HHAT: variants seen among roughly 807,000 people sequenced by gnomAD.
The protein encoded by HHAT is hedgehog acyltransferase.
A neutral mutation model predicts 70.8 loss-of-function variants in HHAT; 47 were observed. That is an observed-to-expected ratio of 0.66 (90% confidence interval 0.53 to 0.85). HHAT has a LOEUF of 0.85. Among genes scored for constraint, HHAT ranks in the 40% least tolerant of loss-of-function variants. HHAT has a pLI of 0.00. For synonymous variants in HHAT, 228 were observed against 247.6 expected (o/e 0.92, Z 0.74); for missense variants, 609 against 604.8 (o/e 1.01, Z -0.07).
chr1:210,395,778 T>C (rs896489235), intron 4 of HHAT, among the ~76,000 whole-genome samples: 2 of 152,200 alleles, frequency 1.3e-5, no homozygotes, highest in African/African-American at 4.8e-5. Flanking sequence ...TTTACTGCTA[T>C]TTTCTTGTTT....
chr1:210,500,460 G>A (rs200210185), intron 8 of HHAT, among the ~76,000 whole-genome samples: 1 of 152,150 alleles, frequency 6.6e-6, no homozygotes, highest in East Asian at 1.9e-4. Flanking sequence ...ACCCTTAGAA[G>A]CCTAACCTAA....
At chr1:210,380,020 G>C (rs925693137) in intron 3 of HHAT, among the ~76,000 whole-genome samples, 2 of 152,140 alleles carry the variant, frequency 1.3e-5, no homozygotes, top group Non-Finnish European at 2.9e-5. Flanking sequence ...GCAGATACCG[G>C]ATGCTCCACT....
chr1:210,497,832 C>G (rs2094679515), intron 8 of HHAT, among the ~76,000 whole-genome samples: 1 of 150,714 alleles, frequency 6.6e-6, no homozygotes, highest in African/African-American at 2.4e-5. Context: ...GTGGCGCAAT[C>G]TTGACTCACT....
chr1:210,589,588 T>C (rs941686167), intron 10 of HHAT: 2 of 152,262 alleles, frequency 1.3e-5, no homozygotes, highest in African/African-American at 2.4e-5. Context: ...CACATTTCTG[T>C]GCTCTTTCAT....
chr1:210,360,805 A>C (rs575741664), intron 2 of HHAT, among the ~76,000 whole-genome samples: 1 of 151,942 alleles, frequency 6.6e-6, no homozygotes, highest in African/African-American at 2.4e-5. Flanking sequence ...TTTTATATTG[A>C]AATACAATTT....
intron 3 of HHAT, among the ~76,000 whole-genome samples, chr1:210,374,926 T>G (rs2090060781): frequency 6.6e-6 from 1 of 152,122 alleles, no homozygotes; most frequent in Admixed American, 6.5e-5. Flanking sequence ...TTTCAGGCCT[T>G]ACCAGTCCTC....
At chr1:210,426,873 C>T (rs544680089) in intron 7 of HHAT, among the ~76,000 whole-genome samples, 19 of 152,168 alleles carry the variant, frequency 1.2e-4, no homozygotes, top group Admixed American at 5.2e-4. Context: ...AGGTAGGAAT[C>T]TCTCCTTCTC....
chr1:210,428,582 GGCCAGTT>G (rs60143375), intron 7 of HHAT, among the ~76,000 whole-genome samples: 66,375 of 150,922 alleles, frequency 0.44, 14,988 homozygotes, highest in Admixed American at 0.53. Context: ...GAAGGGACCA[GGCCAGTT>G]GTCTTACAGA....
intron 9 of HHAT, among the ~76,000 whole-genome samples, chr1:210,529,338 A>T (rs933580401): frequency 2.0e-5 from 3 of 151,922 alleles, no homozygotes; most frequent in Admixed American, 6.6e-5. Flanking sequence ...AAAAAAGAAA[A>T]CGGGGATATT....
chr1:210,649,166 A>T (rs760610441), intron 11 of HHAT, among the ~76,000 whole-genome samples: 8 of 152,228 alleles, frequency 5.3e-5, no homozygotes, highest in Non-Finnish European at 1.2e-4. Context: ...TAAGTAATAG[A>T]GGGGAATTAT....
chr1:210,477,235 G>A (rs1229491210), intron 8 of HHAT, among the ~76,000 whole-genome samples: 1 of 152,086 alleles, frequency 6.6e-6, no homozygotes, highest in Non-Finnish European at 1.5e-5. Flanking sequence ...CCATATAAAG[G>A]CAACTGATCT....
chr1:210,511,207 A>G (rs2094946818), intron 8 of HHAT, among the ~76,000 whole-genome samples: 1 of 152,208 alleles, frequency 6.6e-6, no homozygotes, highest in South Asian at 2.1e-4. Flanking sequence ...GAAACACATC[A>G]GCTCTCCCTA....
At chr1:210,584,838 G>A (rs1034780950) in intron 9 of HHAT, among the ~76,000 whole-genome samples, 1 of 152,178 alleles carries the variant, frequency 6.6e-6, no homozygotes, top group African/African-American at 2.4e-5. Flanking sequence ...TTCACAAGCA[G>A]GTTTGCCCAT....
chr1:210,531,224 C>T (rs1223806557), intron 9 of HHAT, among the ~76,000 whole-genome samples: 1 of 152,202 alleles, frequency 6.6e-6, no homozygotes. Flanking sequence ...TATGAGACCA[C>T]TATCATATAT....
intron 3 of HHAT, among the ~76,000 whole-genome samples, chr1:210,365,187 C>G (rs1225265337): frequency 6.6e-6 from 1 of 151,696 alleles, no homozygotes; most frequent in Non-Finnish European, 1.5e-5. Flanking sequence ...AAATTCTAAT[C>G]AAAAGAAGAT....
chr1:210,547,910 A>G (rs987304807), intron 9 of HHAT, among the ~76,000 whole-genome samples: 2 of 152,304 alleles, frequency 1.3e-5, no homozygotes, highest in East Asian at 3.9e-4. Context: ...GAGCAGATTA[A>G]CTTTGGAACA....
chr1:210,511,545 C>T (rs990203292), intron 8 of HHAT, among the ~76,000 whole-genome samples: 4 of 152,004 alleles, frequency 2.6e-5, no homozygotes, highest in South Asian at 2.1e-4. Context: ...TCAAGGGTGT[C>T]GCCGGAAGCT....
At chr1:210,573,035 T>C (rs2148740772) in intron 9 of HHAT, among the ~76,000 whole-genome samples, 1 of 152,292 alleles carries the variant, frequency 6.6e-6, no homozygotes, top group South Asian at 2.1e-4. Flanking sequence ...AGCTCTGTGT[T>C]CTGAAATCCA....
intron 10 of HHAT, among the ~76,000 whole-genome samples, chr1:210,621,405 G>T (rs772452483): frequency 6.6e-6 from 1 of 152,018 alleles, no homozygotes; most frequent in Non-Finnish European, 1.5e-5. Context: ...CGCAGTATCT[G>T]GAGAGAATTA....
Sources: allele counts gnomAD v4.1 joint callset (sites outside exome capture counted in the v4.1 genomes callset), GRCh38; gene constraint gnomAD v4.1.1; transcripts MANE v1.5; gene names NCBI Gene and HGNC (gene_info 2026-07-23, HGNC 2026-07-21).